GUCY1A2: variants seen among roughly 807,000 people sequenced by gnomAD.
GUCY1A2 encodes the protein guanylate cyclase soluble subunit alpha-2.
A neutral mutation model predicts 63.5 loss-of-function variants in GUCY1A2; 27 were observed. The observed-to-expected ratio is 0.43, with a 90% CI of 0.31 to 0.59. The LOEUF (loss-of-function observed/expected upper bound fraction) is 0.59. Among genes scored for constraint, GUCY1A2 ranks in the 20% least tolerant of loss-of-function variants. The probability of loss-of-function intolerance (pLI) is 0.11; values close to 1 mark genes in which losing one functional copy is unlikely to be tolerated. For synonymous variants in GUCY1A2, 364 were observed against 343.5 expected (o/e 1.06, Z -0.66); for missense variants, 768 against 913.3 (o/e 0.84, Z 2.05).
intron 4 of GUCY1A2, among the ~76,000 whole-genome samples, chr11:106,865,526 C>T (rs1016602544): frequency 6.6e-6 from 1 of 151,970 alleles, no homozygotes; most frequent in Non-Finnish European, 1.5e-5. Context: ...TGGAAACCAT[C>T]GCTCTCAGGA....
At chr11:106,929,373 T>G (rs1220438600) in intron 4 of GUCY1A2, among the ~76,000 whole-genome samples, 1 of 152,116 alleles carries the variant, frequency 6.6e-6, no homozygotes, top group East Asian at 1.9e-4. Flanking sequence ...CTTTATTGAG[T>G]TGAATTTTAA....
rs934673958 is a variant in GUCY1A2, at chr11:106,683,795, A to T, written c.*3754T>A. The T allele has an allele frequency of 4.6e-6, 1 of 215,512 alleles. No individual in the cohort carries two copies. The highest frequency in any genetic ancestry group is 6.8e-5 in the East Asian group (1 of 14,648). 13.3% of individuals were successfully genotyped at this position (215,512 alleles called of 1,614,324 possible). Reference sequence around the variant, plus strand: ...CTGCTCTCAGAAAGTCAGGGACCCAAGGAGCCTTCAACAAATATATTTAAT... The same window carrying T: ...CTGCTCTCAGAAAGTCAGGGACCCATGGAGCCTTCAACAAATATATTTAAT... On this transcript the variant is annotated 3_prime_UTR_variant, in exon 8 of 8. Transcript: ENST00000526355.
chr11:106,859,961 C>T (rs939656942), intron 4 of GUCY1A2, among the ~76,000 whole-genome samples: 1 of 151,814 alleles, frequency 6.6e-6, no homozygotes, highest in Non-Finnish European at 1.5e-5. Flanking sequence ...GCAATTATCC[C>T]CATTGTTAAG....
At chr11:106,819,806 C>T (rs1021478695) in intron 4 of GUCY1A2, among the ~76,000 whole-genome samples, 4 of 151,396 alleles carry the variant, frequency 2.6e-5, no homozygotes, top group Non-Finnish European at 4.4e-5. Context: ...TTCAGCCTTA[C>T]AAAAGAAAAA....
chr11:107,007,511 G>T (rs1200413406), intron 1 of GUCY1A2, among the ~76,000 whole-genome samples: 17 of 152,044 alleles, frequency 1.1e-4, no homozygotes, highest in Admixed American at 1.1e-3. Context: ...CTGACATATA[G>T]GCCTTCTAAT....
At chr11:106,980,517 C>T (rs763871803) in intron 2 of GUCY1A2, among the ~76,000 whole-genome samples, 1 of 152,078 alleles carries the variant, frequency 6.6e-6, no homozygotes, top group Non-Finnish European at 1.5e-5. Flanking sequence ...GAGTGAAAAC[C>T]CACATCATAC....
intron 3 of GUCY1A2, among the ~76,000 whole-genome samples, chr11:106,964,538 T>C (rs1861102109): frequency 6.6e-6 from 1 of 152,202 alleles, no homozygotes; most frequent in Admixed American, 6.5e-5. Flanking sequence ...GTTCCTCCTA[T>C]TTTTATCAGC....
At position 106,810,103 on chromosome 11, in the gene GUCY1A2, C is replaced by T. The variant is rs757731985; in HGVS notation, c.1582G>A (p.Val528Ile). ...DDVTMLFSDI[V>I]GFTAICAQCT... ...TGGGCACATATGGCTGTGAAGCCAA[C>T]AATGTCTGAAAAGAGCATGGTGACA... The change falls in exon 5 of 8, where the codon GTT (valine) becomes ATT (isoleucine). Residue 528 changes from valine to isoleucine, a missense_variant. Physicochemically the swap from Val to Ile is conservative, Grantham distance 29. Coordinates refer to ENST00000526355, the MANE Select transcript of GUCY1A2 (RefSeq NM_000855.3). 1 of 1,613,884 alleles carries T rather than the reference C, an allele frequency of 6.2e-7. No individual in the cohort carries two copies. Among genetic ancestry groups the T allele is most frequent in the Admixed American group, 1.7e-5 (1 of 59,960 alleles).
chr11:106,970,580 A>C (rs1162644330), intron 3 of GUCY1A2, among the ~76,000 whole-genome samples: 1 of 152,176 alleles, frequency 6.6e-6, no homozygotes, highest in East Asian at 1.9e-4. Context: ...AAAATGGAAA[A>C]TACCAATTTC....
At chr11:106,752,289 A>G (rs1003998032) in intron 6 of GUCY1A2, among the ~76,000 whole-genome samples, 3 of 152,238 alleles carry the variant, frequency 2.0e-5, no homozygotes, top group African/African-American at 7.2e-5. Context: ...AATATGGTAA[A>G]GAGATAGCAA....
chr11:106,819,441 T>C lies in GUCY1A2; in HGVS notation c.1207-8963A>G, dbSNP rs112827310. 2.6e-5 allele frequency among the ~76,000 whole-genome samples: 4 copies of C among 152,282 alleles called. 2 individuals carry two copies. Among genetic ancestry groups the C allele is most frequent in the African/African-American group, 9.6e-5 (4 of 41,566 alleles). Reference sequence around the variant, plus strand: ...AGCAAACTTCATTGCTGTCTTACTTTAAGAAATTGTTAGAGCCACCCAACC... The same window carrying C: ...AGCAAACTTCATTGCTGTCTTACTTCAAGAAATTGTTAGAGCCACCCAACC... On this transcript the variant is annotated intron_variant, in intron 4 of 7. Coordinates refer to ENST00000526355, the MANE Select transcript of GUCY1A2 (RefSeq NM_000855.3).
intron 3 of GUCY1A2, among the ~76,000 whole-genome samples, chr11:106,967,083 G>T (rs931764709): frequency 6.6e-6 from 1 of 152,140 alleles, no homozygotes; most frequent in Non-Finnish European, 1.5e-5. Flanking sequence ...TATGGCAATT[G>T]GGTATTTTCA....
chr11:106,789,049 A>AT (rs1864613997), intron 5 of GUCY1A2, among the ~76,000 whole-genome samples: 1 of 152,106 alleles, frequency 6.6e-6, no homozygotes, highest in East Asian at 1.9e-4. Flanking sequence ...ATATATTTCC[A>AT]TTTTTGGTGT....
chr11:106,871,915 CTGAAGTATTTTATAT>C (rs1374133364), intron 4 of GUCY1A2, among the ~76,000 whole-genome samples: 19 of 152,086 alleles, frequency 1.2e-4, no homozygotes, highest in African/African-American at 4.6e-4. Flanking sequence ...AGTCAAATCC[CTGAAGTATTTTATAT>C]TGCAAATTCT....
intron 3 of GUCY1A2, among the ~76,000 whole-genome samples, chr11:106,946,336 T>C (rs962738142): frequency 6.6e-6 from 1 of 151,978 alleles, no homozygotes; most frequent in African/African-American, 2.4e-5. Context: ...TATGTCAACA[T>C]GATCAAAACA....
intron 4 of GUCY1A2, among the ~76,000 whole-genome samples, chr11:106,842,821 C>T (rs1401098503): frequency 1.3e-5 from 2 of 151,866 alleles, no homozygotes; most frequent in Non-Finnish European, 2.9e-5. Flanking sequence ...CTCAAATAAG[C>T]TTCTGAGATT....
At chr11:106,775,189 T>G (rs922566644) in intron 6 of GUCY1A2, among the ~76,000 whole-genome samples, 27 of 152,142 alleles carry the variant, frequency 1.8e-4, no homozygotes, top group African/African-American at 6.3e-4. Flanking sequence ...AAATTCTGAC[T>G]TAAGTCAGGA....
intron 4 of GUCY1A2, among the ~76,000 whole-genome samples, chr11:106,814,146 G>T (rs1238135089): frequency 1.3e-5 from 2 of 152,098 alleles, no homozygotes; most frequent in Non-Finnish European, 1.5e-5. Flanking sequence ...ACAATGGGCA[G>T]TTGAAAAGAG....
intron 5 of GUCY1A2, among the ~76,000 whole-genome samples, chr11:106,800,387 G>T (rs1326453987): frequency 6.6e-6 from 1 of 152,000 alleles, no homozygotes; most frequent in Non-Finnish European, 1.5e-5. Flanking sequence ...CCCATTACTG[G>T]GTATATGCCC....
Sources: gnomAD v4.1 joint callset for allele counts (sites outside exome capture counted in the v4.1 genomes callset) on GRCh38, gnomAD v4.1.1 for gene constraint, MANE v1.5 for transcripts, NCBI Gene and HGNC (gene_info 2026-07-23, HGNC 2026-07-21) for gene names.